The following UQCC1 variants were observed in gnomAD, a reference collection of about 807,000 sequenced individuals.
UQCC1 encodes the protein bFGF-repressed Zic-binding protein.
UQCC1 carries 38 observed loss-of-function variants against 48.0 expected under a neutral mutation model. The observed-to-expected ratio is 0.79, with a 90% confidence interval of 0.61 to 1.04. UQCC1 has a LOEUF of 1.04. UQCC1 is among the 50% of genes least tolerant of loss of function. The pLI is 0.00. For synonymous variants in UQCC1, 111 were observed against 129.2 expected (o/e 0.86, Z 0.95); for missense variants, 368 against 381.8 (o/e 0.96, Z 0.30).
intron 6 of UQCC1, among the ~76,000 whole-genome samples, chr20:35,347,616 T>G (rs2061445384): frequency 6.6e-6 from 1 of 152,066 alleles, no homozygotes; most frequent in African/African-American, 2.4e-5. Context: ...AATCCTTCAT[T>G]TTACTGATGA....
At chr20:35,331,455 C>T (rs530223551) in intron 7 of UQCC1, among the ~76,000 whole-genome samples, 13 of 149,330 alleles carry the variant, frequency 8.7e-5, no homozygotes, top group Admixed American at 6.0e-4. Context: ...TGTGAGAAAA[C>T]TCACTCCAAG....
intron 1 of UQCC1, among the ~76,000 whole-genome samples, chr20:35,406,123 C>G (rs534757484): frequency 1.3e-5 from 2 of 152,252 alleles, no homozygotes; most frequent in East Asian, 3.9e-4. Context: ...CAGCCTCAGA[C>G]TGTGGGACAC....
chr20:35,366,888 G>T (rs1185379050), intron 5 of UQCC1, among the ~76,000 whole-genome samples: 2 of 152,052 alleles, frequency 1.3e-5, no homozygotes, highest in African/African-American at 4.8e-5. Flanking sequence ...CAGGTCAGGA[G>T]ATCAAGACCA....
chr20:35,396,937 A>G (rs2062086240), intron 1 of UQCC1, among the ~76,000 whole-genome samples: 1 of 152,188 alleles, frequency 6.6e-6, no homozygotes, highest in South Asian at 2.1e-4. Flanking sequence ...AGATACATAA[A>G]TTGCTTGAAA....
At chr20:35,403,555 T>TCCCAGACATACC in intron 1 of UQCC1, among the ~76,000 whole-genome samples, 1 of 152,158 alleles carries the variant, frequency 6.6e-6, no homozygotes, top group Admixed American at 6.5e-5. Context: ...GACATCCCAT[T>TCCCAGACATACC]ACTGGGTATA....
intron 2 of UQCC1, among the ~76,000 whole-genome samples, chr20:35,389,488 G>A (rs1476328271): frequency 1.3e-5 from 2 of 151,984 alleles, no homozygotes; most frequent in Non-Finnish European, 2.9e-5. Flanking sequence ...ACTTGAACCC[G>A]GGAGGCGGAG....
intron 1 of UQCC1, among the ~76,000 whole-genome samples, chr20:35,395,060 T>C (rs2062057739): frequency 6.6e-6 from 1 of 151,888 alleles, no homozygotes; most frequent in Admixed American, 6.6e-5. Context: ...GGGTGGGAGC[T>C]TGCTCTCCGG....
intron 4 of UQCC1, 105 bp downstream of exon 4, chr20:35,381,813 A>G: frequency 1.4e-6 from 1 of 725,496 alleles, no homozygotes; most frequent in East Asian, 2.6e-5. Flanking sequence ...CATCCAAAAT[A>G]ATGTATGAAT....
At chr20:35,346,998 T>C (rs1438296009) in intron 7 of UQCC1, 166 bp downstream of exon 7, 2 of 1,551,658 alleles carry the variant, frequency 1.3e-6, no homozygotes, top group Admixed American at 1.9e-5. Context: ...TGTGGAGTAT[T>C]AGTTTCCACA....
chr20:35,321,108 TAGAAAC>T (rs138802120), intron 7 of UQCC1, among the ~76,000 whole-genome samples: 8,783 of 152,186 alleles, frequency 0.058, 366 homozygotes, highest in South Asian at 0.21. Context: ...GTGAGATACT[TAGAAAC>T]AGAGTAAGAG....
At chr20:35,345,536 G>C (rs1033576379) in intron 7 of UQCC1, 3 of 151,998 alleles carry the variant, frequency 2.0e-5, no homozygotes, top group African/African-American at 7.3e-5. Flanking sequence ...AGCTACGACA[G>C]AAAGAAAGCA....
chr20:35,397,311 C>T (rs1310580490), intron 1 of UQCC1, among the ~76,000 whole-genome samples: 1 of 151,576 alleles, frequency 6.6e-6, no homozygotes, highest in East Asian at 1.9e-4. Flanking sequence ...GTCAGGAGAT[C>T]GAGACCATCG....
chr20:35,407,803 A>C (rs2062274646), intron 1 of UQCC1, among the ~76,000 whole-genome samples: 1 of 152,190 alleles, frequency 6.6e-6, no homozygotes, highest in South Asian at 2.1e-4. Context: ...CAGGCGGATC[A>C]CCTGAGGTTG....
chr20:35,393,554 G>A (rs932659880), intron 2 of UQCC1, among the ~76,000 whole-genome samples: 4 of 151,076 alleles, frequency 2.6e-5, no homozygotes, highest in African/African-American at 9.7e-5. Flanking sequence ...AGAACCAGCA[G>A]AGATAAAATA....
chr20:35,391,854 G>A (rs1275743519), intron 2 of UQCC1, among the ~76,000 whole-genome samples: 1 of 152,070 alleles, frequency 6.6e-6, no homozygotes, highest in Admixed American at 6.5e-5. Context: ...CCAGATGAAG[G>A]CTATTTGGGA....
At position 35,404,844 on chromosome 20, in the gene UQCC1, G is replaced by T. The variant is rs1052773344; in HGVS notation, c.24+7096C>A. 3.3e-5 allele frequency among the ~76,000 whole-genome samples: 5 copies of T among 152,192 alleles called. No homozygotes were observed. The East Asian group carries it at 9.6e-4, about 29-fold the overall frequency. ...AATAGAGGTAACTGTTTGACTTCAT[G>T]GCTTCCTGAGGCAGTGATTAACAGG... On this transcript the variant is annotated intron_variant, in intron 1 of 9. Transcript: ENST00000374385.
intron 6 of UQCC1, among the ~76,000 whole-genome samples, chr20:35,359,422 T>C (rs2061581497): frequency 6.6e-6 from 1 of 152,204 alleles, no homozygotes. Flanking sequence ...CAACACTGTC[T>C]GTAGAGTTCA....
chr20:35,369,844 G>C (rs2061709906), intron 5 of UQCC1, among the ~76,000 whole-genome samples: 1 of 152,122 alleles, frequency 6.6e-6, no homozygotes, highest in African/African-American at 2.4e-5. Context: ...ATTTCAGATT[G>C]TATCAGTGAT....
intron 2 of UQCC1, chr20:35,386,251 C>A: frequency 2.5e-6 from 1 of 395,390 alleles, no homozygotes; most frequent in South Asian, 1.9e-5. Flanking sequence ...AATCTAGTTT[C>A]CAAACTCTCA....
Sources: gnomAD v4.1 joint callset for allele counts (sites outside exome capture counted in the v4.1 genomes callset) on GRCh38, gnomAD v4.1.1 for gene constraint, MANE v1.5 for transcripts, NCBI Gene and HGNC (gene_info 2026-07-23, HGNC 2026-07-21) for gene names.